Variants in SLC9B1 observed in about 807,000 individuals in gnomAD.
SLC9B1 encodes solute carrier family 9 member B1.
A neutral mutation model predicts 51.7 loss-of-function variants in SLC9B1; 32 were observed. That is an observed-to-expected ratio of 0.62 (90% CI 0.47 to 0.83). SLC9B1 has a LOEUF of 0.83. Among genes scored for constraint, SLC9B1 ranks in the 40% least tolerant of loss-of-function variants. SLC9B1 has a pLI of 0.00. For missense variants in SLC9B1, 406 were observed against 613.2 expected, an observed-to-expected ratio of 0.66 and a Z score of 3.57; for synonymous variants, 145 against 212.7, an observed-to-expected ratio of 0.68 and a Z score of 2.77.
intron 3 of SLC9B1, among the ~76,000 whole-genome samples, chr4:102,978,341 T>G (rs1229554371): frequency 6.6e-6 from 1 of 152,158 alleles, no homozygotes; most frequent in Non-Finnish European, 1.5e-5. Flanking sequence ...AAAAAGCTTC[T>G]GCACAGCAAA....
At chr4:102,963,295 T>C in intron 3 of SLC9B1, 1 of 307,962 alleles carries the variant, frequency 3.2e-6, no homozygotes, top group South Asian at 3.4e-5. Context: ...CCCCAGCATC[T>C]GCCACCACAG....
intron 3 of SLC9B1, among the ~76,000 whole-genome samples, chr4:102,966,921 T>A (rs1738460141): frequency 6.6e-6 from 1 of 152,226 alleles, no homozygotes; most frequent in Admixed American, 6.5e-5. Flanking sequence ...AGCTGCTCTA[T>A]ATTTTGCTTA....
At chr4:102,955,163 A>G (rs1306809700) in intron 3 of SLC9B1, among the ~76,000 whole-genome samples, 2 of 152,090 alleles carry the variant, frequency 1.3e-5, no homozygotes, top group Non-Finnish European at 2.9e-5. Flanking sequence ...TAATTGAATC[A>G]TGGGGGTGGT....
downstream of SLC9B1, among the ~76,000 whole-genome samples, chr4:102,899,467 GC>G (rs1443832646): frequency 2.6e-5 from 4 of 151,550 alleles, no homozygotes; most frequent in Non-Finnish European, 5.9e-5. Flanking sequence ...AGGCTGGAGT[GC>G]AGTGGTGCGA....
intron 11 of SLC9B1, among the ~76,000 whole-genome samples, chr4:102,905,233 A>ATTTATTTATTTATTTATTTATTTAT (rs569004930): frequency 6.7e-6 from 1 of 149,468 alleles, no homozygotes; most frequent in Non-Finnish European, 1.5e-5. Flanking sequence ...TTATTTATTT[A>ATTTATTTATTTATTTATTTATTTAT]TTTTTTTGAG....
intron 6 of SLC9B1, among the ~76,000 whole-genome samples, chr4:102,933,288 G>GACTT (rs1736555645): frequency 6.6e-6 from 1 of 152,184 alleles, no homozygotes; most frequent in Non-Finnish European, 1.5e-5. Context: ...ATGACTGACT[G>GACTT]ATGTGAGTGT....
At chr4:102,926,663 C>T (rs1437347987) in intron 7 of SLC9B1, among the ~76,000 whole-genome samples, 2 of 152,130 alleles carry the variant, frequency 1.3e-5, no homozygotes, top group Non-Finnish European at 2.9e-5. Context: ...ATGGAAATGG[C>T]CATACTGCCC....
intron 1 of SLC9B1, among the ~76,000 whole-genome samples, chr4:103,009,508 C>A (rs1160452845): frequency 2.6e-5 from 4 of 152,136 alleles, no homozygotes; most frequent in Non-Finnish European, 5.9e-5. Flanking sequence ...ACTGAAATTT[C>A]CTTTAAAAAT....
At chr4:102,989,751 C>A in intron 3 of SLC9B1, 49 bp downstream of exon 3, 1 of 1,312,994 alleles carries the variant, frequency 7.6e-7, no homozygotes, top group Non-Finnish European at 1.0e-6. Flanking sequence ...TAATATTTAT[C>A]AAACATATTT....
chr4:102,893,277 A>G (rs1427212501), intron 11 of SLC9B1, among the ~76,000 whole-genome samples: 1 of 133,466 alleles, frequency 7.5e-6, no homozygotes, highest in African/African-American at 2.8e-5. Context: ...GCAAGACTCC[A>G]TCTCAAAAAA....
At chr4:103,008,540 T>A (rs928818479) in intron 1 of SLC9B1, among the ~76,000 whole-genome samples, 1 of 151,488 alleles carries the variant, frequency 6.6e-6, no homozygotes. Context: ...AGTCACTGTG[T>A]CCGTCTAGTT....
chr4:102,973,687 G>T (rs1241436462), intron 3 of SLC9B1, among the ~76,000 whole-genome samples: 1 of 151,980 alleles, frequency 6.6e-6, no homozygotes, highest in South Asian at 2.1e-4. Context: ...CTTATACTCT[G>T]TAACTAAAAT....
intron 7 of SLC9B1, among the ~76,000 whole-genome samples, chr4:102,917,876 C>A (rs138122365): frequency 0.017 from 2,579 of 151,896 alleles, 70 homozygotes; most frequent in African/African-American, 0.056. Flanking sequence ...TTGAGACCAG[C>A]CTGAGCAACA....
chr4:103,011,268 A>C (rs1255288867), intron 1 of SLC9B1, among the ~76,000 whole-genome samples: 2 of 152,202 alleles, frequency 1.3e-5, no homozygotes, highest in South Asian at 4.1e-4. Flanking sequence ...ACTTGAGAAT[A>C]ATCTTCTTTG....
Position 102,905,571 on chromosome 4 carries a change from A to G in SLC9B1, c.1275T>C (p.Phe425=). The G allele has an allele frequency of 6.2e-7, 1 of 1,611,214 alleles. No individual in the cohort carries two copies. The highest frequency in any genetic ancestry group is 2.2e-5 in the East Asian group (1 of 44,802). Residue 425 remains phenylalanine, a synonymous_variant, in exon 11 of 12, where the codon TTT becomes TTC. Transcript: ENST00000296422. ...CAATAAATATTTTCTCCTTAAAACTAAAACCAGCAAAGCACATCAATAGAT... is the reference window on the plus strand; with the variant it reads ...CAATAAATATTTTCTCCTTAAAACTGAAACCAGCAAAGCACATCAATAGAT... The part of the protein sequence containing the change: ...TTYLLMCFAG[F]SFKEKIFIAL...
At chr4:102,947,044 G>A (rs921354236) in intron 4 of SLC9B1, among the ~76,000 whole-genome samples, 12 of 152,128 alleles carry the variant, frequency 7.9e-5, no homozygotes, top group Admixed American at 4.6e-4. Context: ...GCTTGGGTGG[G>A]CCAGATCATA....
Position 102,906,638 on chromosome 4 carries a change from C to T in SLC9B1, c.1093G>A (p.Val365Ile), listed in dbSNP as rs1455009105. The T allele has an allele frequency of 1.9e-6, 3 of 1,550,796 alleles. No individual in the cohort carries two copies. Among genetic ancestry groups the T allele is most frequent in the Admixed American group, 1.7e-5 (1 of 57,986 alleles). Residue 365 changes from valine to isoleucine, a missense_variant, in exon 10 of 12, where the codon GTC becomes ATC. Coordinates refer to ENST00000296422, the MANE Select transcript of SLC9B1 (RefSeq NM_139173.4). The stretch of plus-strand genomic sequence containing the variant: ...CATACAGTCGTAATAATCTTTTGGA[C>T]TTTCATCTATAGAAAAGAGAAATAC... ...GTKWSQEKMK[V>I]QKIITTVWDI...
chr4:102,974,774 A>C (rs1424291393), intron 3 of SLC9B1, among the ~76,000 whole-genome samples: 4 of 152,216 alleles, frequency 2.6e-5, no homozygotes. Context: ...CAGAGAATGG[A>C]AAAAGAGGGA....
At chr4:102,972,049 T>A (rs1738790819) in intron 3 of SLC9B1, among the ~76,000 whole-genome samples, 1 of 152,212 alleles carries the variant, frequency 6.6e-6, no homozygotes. Context: ...CACAGCTGAA[T>A]TCTACCAGAG....
Sources: allele counts gnomAD v4.1 joint callset (sites outside exome capture counted in the v4.1 genomes callset), GRCh38; gene constraint gnomAD v4.1.1; transcripts MANE v1.5; gene names NCBI Gene and HGNC (gene_info 2026-07-23, HGNC 2026-07-21).